SYN3: variants seen among roughly 807,000 people sequenced by gnomAD.
The protein encoded by SYN3 is synapsin-3.
SYN3 carries 35 observed loss-of-function variants against 65.8 expected under a neutral mutation model. The ratio of observed to expected loss-of-function variants is 0.53; its 90% CI spans 0.41 to 0.70. The LOEUF is 0.70. Ranked by LOEUF, SYN3 falls within the 30% of genes least tolerant of loss-of-function variation. The probability of loss-of-function intolerance (pLI) is 0.00; values close to 1 mark genes in which losing one functional copy is unlikely to be tolerated. For missense variants in SYN3, 680 were observed against 749.0 expected, an observed-to-expected ratio of 0.91 and a Z score of 1.08; for synonymous variants, 270 against 292.9, an observed-to-expected ratio of 0.92 and a Z score of 0.80.
chr22:32,532,713 G>T (rs1016520249), intron 10 of SYN3, among the ~76,000 whole-genome samples: 2 of 152,136 alleles, frequency 1.3e-5, no homozygotes, highest in African/African-American at 4.8e-5. Context: ...CCTGGGGAGC[G>T]AGGCAGACAT....
At chr22:32,572,525 CCCTTCCTT>C (rs2146435904) in intron 7 of SYN3, among the ~76,000 whole-genome samples, 1 of 128,850 alleles carries the variant, frequency 7.8e-6, no homozygotes, top group East Asian at 2.3e-4. Flanking sequence ...TCTCTTTCCT[CCCTTCCTT>C]CTTTCTTTTT....
chr22:33,015,274 G>T, intron 1 of SYN3: 2 of 508,246 alleles, frequency 3.9e-6, no homozygotes, highest in South Asian at 4.3e-5. Context: ...TATCCAAAAG[G>T]AGCAGACTAT....
At chr22:32,697,192 A>G (rs2147183260) in intron 6 of SYN3, among the ~76,000 whole-genome samples, 1 of 152,324 alleles carries the variant, frequency 6.6e-6, no homozygotes, top group Non-Finnish European at 1.5e-5. Context: ...CTCTATTAAA[A>G]TCCACCTACA....
intron 6 of SYN3, among the ~76,000 whole-genome samples, chr22:32,775,496 A>C (rs188084377): frequency 5.1e-4 from 77 of 152,284 alleles, no homozygotes; most frequent in African/African-American, 1.7e-3. Flanking sequence ...GACTGAGGCA[A>C]AAGTACCCCT....
chr22:32,845,772 A>G (rs964715254), intron 6 of SYN3, among the ~76,000 whole-genome samples: 4 of 152,220 alleles, frequency 2.6e-5, no homozygotes, highest in Admixed American at 2.6e-4. Flanking sequence ...ATGGCTAGAC[A>G]TGCTGCCAGT....
At chr22:32,704,965 G>C (rs1267866638) in intron 6 of SYN3, among the ~76,000 whole-genome samples, 1 of 152,148 alleles carries the variant, frequency 6.6e-6, no homozygotes, top group Non-Finnish European at 1.5e-5. Context: ...CCTTTGTCAG[G>C]TGCATAGTTT....
chr22:32,987,383 A>T (rs756671435), intron 2 of SYN3, among the ~76,000 whole-genome samples: 1 of 152,150 alleles, frequency 6.6e-6, no homozygotes, highest in Non-Finnish European at 1.5e-5. Flanking sequence ...GATGTGGCAG[A>T]AGAAAGACCT....
chr22:32,981,725 C>T (rs903550613), intron 2 of SYN3, among the ~76,000 whole-genome samples: 2 of 151,998 alleles, frequency 1.3e-5, no homozygotes, highest in African/African-American at 2.4e-5. Flanking sequence ...AATCATTATA[C>T]GTTACATGTA....
chr22:32,515,378 C>A (rs76554781), intron 13 of SYN3, among the ~76,000 whole-genome samples: 1 of 152,132 alleles, frequency 6.6e-6, no homozygotes, highest in Non-Finnish European at 1.5e-5. Context: ...CTTATAATAA[C>A]CCTGTGCGGT....
At chr22:32,515,899 C>T (rs572448822) in intron 13 of SYN3, among the ~76,000 whole-genome samples, 40 of 151,898 alleles carry the variant, frequency 2.6e-4, no homozygotes, top group East Asian at 1.4e-3. Flanking sequence ...CCTGGGTTCA[C>T]GCCATTCTCC....
chr22:33,001,984 T>C (rs1406501858), intron 2 of SYN3, among the ~76,000 whole-genome samples: 1 of 152,064 alleles, frequency 6.6e-6, no homozygotes, highest in African/African-American at 2.4e-5. Flanking sequence ...AGGTCAAATG[T>C]TGGGATGAAG....
intron 6 of SYN3, among the ~76,000 whole-genome samples, chr22:32,693,392 G>A (rs966344304): frequency 3.3e-5 from 5 of 152,148 alleles, no homozygotes; most frequent in East Asian, 1.9e-4. Flanking sequence ...ACGAGATTTC[G>A]TCGTGCTACT....
chr22:32,786,731 G>A (rs188809693), intron 6 of SYN3, among the ~76,000 whole-genome samples: 1 of 152,306 alleles, frequency 6.6e-6, no homozygotes, highest in East Asian at 1.9e-4. Context: ...GGGAATCTGG[G>A]TAAAAGGTAT....
intron 4 of SYN3, among the ~76,000 whole-genome samples, chr22:32,913,187 G>A (rs2050097682): frequency 6.7e-6 from 1 of 150,034 alleles, no homozygotes; most frequent in Non-Finnish European, 1.5e-5. Flanking sequence ...TTGAGATGGA[G>A]TCTCGCTCTG....
At chr22:32,839,932 C>A (rs1017947930) in intron 6 of SYN3, among the ~76,000 whole-genome samples, 3 of 151,988 alleles carry the variant, frequency 2.0e-5, no homozygotes, top group African/African-American at 7.2e-5. Context: ...TCCCAGACCG[C>A]TCAAGCAGAA....
chr22:32,981,911 C>G (rs190570110), intron 2 of SYN3, among the ~76,000 whole-genome samples: 88 of 152,260 alleles, frequency 5.8e-4, no homozygotes, highest in African/African-American at 1.8e-3. Context: ...CAAAACCACA[C>G]ATGGTTTATC....
intron 6 of SYN3, among the ~76,000 whole-genome samples, chr22:32,668,587 TTTG>T (rs1245455695): frequency 1.3e-5 from 2 of 152,106 alleles, no homozygotes; most frequent in Admixed American, 1.3e-4. Context: ...CCCTTCTTCC[TTTG>T]TTGTTGTTGT....
intron 7 of SYN3, among the ~76,000 whole-genome samples, chr22:32,547,351 T>A (rs188504344): frequency 2.9e-4 from 44 of 152,074 alleles, no homozygotes; most frequent in Non-Finnish European, 2.9e-5. Flanking sequence ...GATTTTTCCT[T>A]GTTGCTTACT....
chr22:32,748,354 A>G (rs1488966407), intron 6 of SYN3, among the ~76,000 whole-genome samples: 4 of 152,336 alleles, frequency 2.6e-5, no homozygotes, highest in Middle Eastern at 3.4e-3. Context: ...TGTAAGTTGT[A>G]TAACTTTGTA....
Sources: gnomAD v4.1 joint callset for allele counts (sites outside exome capture counted in the v4.1 genomes callset) on GRCh38, gnomAD v4.1.1 for gene constraint, MANE v1.5 for transcripts, NCBI Gene and HGNC (gene_info 2026-07-23, HGNC 2026-07-21) for gene names.